STK33: variants seen among roughly 807,000 people sequenced by gnomAD.
STK33 encodes the protein serine/threonine kinase 33, also known as serine/threonine-protein kinase 33.
STK33 carries 52 observed loss-of-function variants against 58.0 expected under a neutral mutation model. That is an observed-to-expected ratio of 0.90 (90% CI 0.72 to 1.13). The LOEUF (loss-of-function observed/expected upper bound fraction) is 1.13, where lower values mean the gene tolerates loss of function less well. Among genes scored for constraint, STK33 ranks in the 50% most tolerant of loss-of-function variants. The pLI is 0.00. For synonymous variants in STK33, 215 were observed against 200.1 expected (o/e 1.07, Z -0.63); for missense variants, 630 against 604.2 (o/e 1.04, Z -0.45).
At chr11:8,429,595 T>G (rs1254116524) in intron 14 of STK33, among the ~76,000 whole-genome samples, 1 of 152,082 alleles carries the variant, frequency 6.6e-6, no homozygotes, top group Non-Finnish European at 1.5e-5. Flanking sequence ...CTTACCCCAG[T>G]CCTACTTCAG....
At chr11:8,552,930 C>T (rs937487050) in intron 1 of STK33, among the ~76,000 whole-genome samples, 1 of 151,270 alleles carries the variant, frequency 6.6e-6, no homozygotes, top group African/African-American at 2.4e-5. Flanking sequence ...GCAGAAGGAT[C>T]GCTTGAGCCC....
chr11:8,421,293 T>C (rs1941888297), intron 14 of STK33, among the ~76,000 whole-genome samples: 2 of 152,192 alleles, frequency 1.3e-5, no homozygotes, highest in African/African-American at 4.8e-5. Context: ...AAGTCCCTGA[T>C]TCCTTTGGAG....
chr11:8,543,908 C>T (rs2140391791), intron 1 of STK33, among the ~76,000 whole-genome samples: 1 of 152,086 alleles, frequency 6.6e-6, no homozygotes, highest in East Asian at 1.9e-4. Context: ...TAAAAGAAAA[C>T]ACTCATTGTG....
At chr11:8,422,710 T>C (rs1193150726) in intron 14 of STK33, among the ~76,000 whole-genome samples, 1 of 152,186 alleles carries the variant, frequency 6.6e-6, no homozygotes, top group East Asian at 1.9e-4. Context: ...TTGACTGAGT[T>C]TGCAGACGTA....
intron 1 of STK33, among the ~76,000 whole-genome samples, chr11:8,555,837 C>T (rs1018824567): frequency 1.3e-5 from 2 of 151,696 alleles, no homozygotes; most frequent in Admixed American, 6.6e-5. Context: ...ATTATGATGT[C>T]AATTAAAAAT....
At chr11:8,334,996 G>A in the STK33 span, among the ~76,000 whole-genome samples, 3 of 152,364 alleles carry the variant, frequency 2.0e-5, no homozygotes, top group East Asian at 1.9e-4. Flanking sequence ...TACACAGGCT[G>A]TAGATCTCTG....
the STK33 span, among the ~76,000 whole-genome samples, chr11:8,356,939 C>T: frequency 6.6e-6 from 1 of 152,204 alleles, no homozygotes; most frequent in Non-Finnish European, 1.5e-5. Flanking sequence ...TGGCCCTGAG[C>T]TAGAGGAAGC....
the STK33 span, among the ~76,000 whole-genome samples, chr11:8,337,584 C>A: frequency 2.7e-4 from 38 of 141,134 alleles, no homozygotes; most frequent in African/African-American, 8.2e-4. Flanking sequence ...CGCGGAGCCA[C>A]GGAGCCACGA....
intron 11 of STK33, among the ~76,000 whole-genome samples, chr11:8,442,581 C>A (rs899424387): frequency 6.6e-6 from 1 of 152,174 alleles, no homozygotes; most frequent in African/African-American, 2.4e-5. Flanking sequence ...CACTTGTTAT[C>A]AGTGTAGACA....
chr11:8,478,269 G>C (rs1258475770), intron 2 of STK33, among the ~76,000 whole-genome samples: 3 of 152,006 alleles, frequency 2.0e-5, no homozygotes, highest in Non-Finnish European at 4.4e-5. Context: ...TAGAATCATG[G>C]AATTATGTTT....
At chr11:8,371,593 C>G in the STK33 span, among the ~76,000 whole-genome samples, 1 of 131,570 alleles carries the variant, frequency 7.6e-6, no homozygotes, top group Non-Finnish European at 1.7e-5. Flanking sequence ...AGCAAGAGGA[C>G]TTTTCCTTTC....
Position 8,473,894 on chromosome 11 carries a change from T to A in STK33, c.226-618A>T, listed in dbSNP as rs372899085. On this transcript the variant is annotated intron_variant, in intron 5 of 15. Transcript: ENST00000687296. ...TATTCTATATAAAGATGAATATGGC[T>A]GGGCACGGTGGCTCATGCCTGTAAT... 2.0e-5 allele frequency among the ~76,000 whole-genome samples: 3 copies of A among 152,254 alleles called. No homozygotes were observed. The East Asian group carries it at 5.8e-4, about 29-fold the overall frequency.
intron 1 of STK33, among the ~76,000 whole-genome samples, chr11:8,541,865 A>G (rs898900211): frequency 1.3e-5 from 2 of 152,162 alleles, no homozygotes; most frequent in African/African-American, 4.8e-5. Flanking sequence ...CAGCAATCTT[A>G]AATCTGTCTC....
intron 1 of STK33, among the ~76,000 whole-genome samples, chr11:8,541,770 C>A (rs1955537602): frequency 1.3e-5 from 2 of 152,050 alleles, no homozygotes; most frequent in Admixed American, 6.6e-5. Context: ...ATTTAAAGAG[C>A]AAAATATCTG....
At chr11:8,531,327 C>T (rs931046223) in intron 1 of STK33, among the ~76,000 whole-genome samples, 1 of 152,192 alleles carries the variant, frequency 6.6e-6, no homozygotes, top group African/African-American at 2.4e-5. Context: ...ATTTTGCGTG[C>T]TATTTACAAA....
At chr11:8,411,266 A>T (rs1348185780) in intron 15 of STK33, among the ~76,000 whole-genome samples, 1 of 152,244 alleles carries the variant, frequency 6.6e-6, no homozygotes, top group African/African-American at 2.4e-5. Flanking sequence ...TACCATAACC[A>T]ATGGTGGAAA....
chr11:8,400,164 A>C (rs1850128302), intron 15 of STK33, among the ~76,000 whole-genome samples: 1 of 152,112 alleles, frequency 6.6e-6, no homozygotes, highest in South Asian at 2.1e-4. Context: ...GAGACACAAC[A>C]AAAAAAGAGA....
At chr11:8,529,114 G>A (rs746518816) in intron 1 of STK33, among the ~76,000 whole-genome samples, 1 of 152,166 alleles carries the variant, frequency 6.6e-6, no homozygotes, top group Non-Finnish European at 1.5e-5. Context: ...ATTCCGTCTT[G>A]TTCTTAACCA....
intron 10 of STK33, among the ~76,000 whole-genome samples, chr11:8,453,113 G>A (rs1051700903): frequency 3.9e-5 from 6 of 152,124 alleles, no homozygotes; most frequent in East Asian, 1.9e-4. Flanking sequence ...AGAAGCTTGC[G>A]TTCTCAAATC....
Sources: gnomAD v4.1 joint callset for allele counts (sites outside exome capture counted in the v4.1 genomes callset) on GRCh38, gnomAD v4.1.1 for gene constraint, MANE v1.5 for transcripts, NCBI Gene and HGNC (gene_info 2026-07-23, HGNC 2026-07-21) for gene names.